Variants in PHIP observed in about 807,000 individuals in gnomAD.
PHIP encodes PHIP subunit of CUL4-Ring ligase complex, also known as PH-interacting protein.
Under a neutral mutation model 236.8 loss-of-function variants are expected in PHIP, and 54 were observed. That is an observed-to-expected ratio of 0.23 (90% CI 0.18 to 0.29). The LOEUF is 0.29. PHIP is among the 10% of genes least tolerant of loss of function. The pLI is 1.00. For synonymous variants in PHIP, 756 were observed against 718.9 expected, an observed-to-expected ratio of 1.05 and a Z score of -0.83; for missense variants, 1,370 against 2,190.8, an observed-to-expected ratio of 0.63 and a Z score of 7.48.
intron 39 of PHIP, among the ~76,000 whole-genome samples, chr6:78,942,612 G>A (rs569368941): frequency 9.2e-5 from 14 of 152,314 alleles, no homozygotes; most frequent in South Asian, 6.2e-4. Context: ...CTTTAGATTA[G>A]TGGTTGGGAA....
chr6:78,946,473 G>T, intron 37 of PHIP: 1 of 1,398,118 alleles, frequency 7.2e-7, no homozygotes, highest in African/African-American at 1.5e-5. Flanking sequence ...AAAGCATGAT[G>T]CCATCACTAT....
chr6:78,952,831 T>G lies in PHIP; in HGVS notation c.4053+1983A>C, dbSNP rs182778758. 1.3e-3 allele frequency among the ~76,000 whole-genome samples: 199 copies of G among 147,654 alleles called. 1 individual carries two copies. The highest frequency in any genetic ancestry group is 7.7e-3 in the South Asian group (37 of 4,798). On this transcript the variant is annotated intron_variant, in intron 35 of 39. Coordinates refer to ENST00000275034, the MANE Select transcript of PHIP (RefSeq NM_017934.7). ...TCATTTATTCCTTTAACCAAAACTA[T>G]CTATCAAAGTTTAACTCAACAGCAT...
In PHIP at chr6:79,042,887, C is replaced by G; in HGVS notation, c.556G>C (p.Val186Leu). The part of the protein sequence containing the change: ...HKRILGHLSS[V>L]YCVTFDRTGR... ...GTTCGATCAAAAGTTACACAGTACA[C>G]AGATGACAAGTGTCCAAGAATTCGT... The change falls in exon 7 of 40, where the codon GTG becomes CTG. Residue 186 changes from valine to leucine, a missense_variant. Coordinates refer to ENST00000275034, the MANE Select transcript of PHIP (RefSeq NM_017934.7). 6.2e-7 allele frequency: 1 copy of G among 1,612,314 alleles called. No individual in the cohort carries two copies. Among genetic ancestry groups the G allele is most frequent in the Non-Finnish European group, 8.5e-7 (1 of 1,178,916 alleles).
chr6:79,009,380 T>C (rs1770458555), intron 15 of PHIP, among the ~76,000 whole-genome samples: 1 of 152,126 alleles, frequency 6.6e-6, no homozygotes, highest in Non-Finnish European at 1.5e-5. Context: ...TATTTATCTT[T>C]CAAGGCATAG....
At chr6:79,031,428 G>C (rs1332207754) in intron 7 of PHIP, among the ~76,000 whole-genome samples, 1 of 152,108 alleles carries the variant, frequency 6.6e-6, no homozygotes, top group Admixed American at 6.5e-5. Context: ...TTTAAGTCAA[G>C]ACAATCTTGT....
intron 4 of PHIP, among the ~76,000 whole-genome samples, chr6:79,065,763 AC>A (rs1268972171): frequency 1.8e-5 from 2 of 110,896 alleles, no homozygotes; most frequent in African/African-American, 3.6e-5. Flanking sequence ...TCTTAACTAT[AC>A]CACACACACA....
At chr6:79,054,648 ATC>A (rs901618431) in intron 6 of PHIP, among the ~76,000 whole-genome samples, 1 of 151,250 alleles carries the variant, frequency 6.6e-6, no homozygotes, top group African/African-American at 2.4e-5. Flanking sequence ...AAATTATGTA[ATC>A]TCATATATTT....
intron 31 of PHIP, among the ~76,000 whole-genome samples, chr6:78,959,818 T>G (rs112254895): frequency 0.025 from 3,800 of 152,240 alleles, 157 homozygotes; most frequent in African/African-American, 0.086. Flanking sequence ...CTAACGATGG[T>G]GTTACATCCT....
rs1196937471 is a variant in PHIP, at chr6:79,015,226, T to G, written c.1390-10A>C. 6.3e-7 allele frequency: 1 copy of G among 1,598,946 alleles called. No homozygotes were observed. The highest frequency in any genetic ancestry group is 1.7e-5 in the Admixed American group (1 of 59,612). ...CCTCATCTTCATGACCCTGAAATAT[T>G]TTTGAAGTGTCAAAGAATCATAGAT... is the stretch of plus-strand genomic sequence containing the variant. On this transcript the variant is annotated splice_polypyrimidine_tract_variant and intron_variant, in intron 14 of 39. Coordinates refer to ENST00000275034, the MANE Select transcript of PHIP (RefSeq NM_017934.7).
At chr6:79,054,631 T>C (rs957540766) in intron 6 of PHIP, among the ~76,000 whole-genome samples, 5 of 151,226 alleles carry the variant, frequency 3.3e-5, no homozygotes, top group South Asian at 4.1e-4. Context: ...TGTTAACTTA[T>C]ATATTAAAAT....
At chr6:79,022,950 A>G (rs1771194475) in intron 9 of PHIP, among the ~76,000 whole-genome samples, 2 of 152,244 alleles carry the variant, frequency 1.3e-5, no homozygotes, top group South Asian at 4.1e-4. Flanking sequence ...ATTATTAATT[A>G]AATCCTATGT....
intron 10 of PHIP, among the ~76,000 whole-genome samples, chr6:79,018,007 A>T (rs974196478): frequency 1.3e-5 from 2 of 151,894 alleles, no homozygotes; most frequent in African/African-American, 4.8e-5. Context: ...TTGCAATTAA[A>T]TGAGGCTGCT....
rs541609883 is a variant in PHIP at position 79,027,265 on chromosome 6, T to G, written c.601-1101A>C. 6.6e-5 allele frequency among the ~76,000 whole-genome samples: 10 copies of G among 152,278 alleles called. No individual in the cohort carries two copies. The East Asian group carries it at 1.9e-3, about 29-fold the overall frequency. On this transcript the variant is annotated intron_variant, in intron 7 of 39. Transcript: ENST00000275034. ...TGTATCTTAAATCAGACTCTGCCAA[T>G]GATACCTAAAACACCCCCCAATTAA...
chr6:79,058,795 C>T (rs113335319), intron 6 of PHIP, among the ~76,000 whole-genome samples: 14 of 152,194 alleles, frequency 9.2e-5, no homozygotes, highest in African/African-American at 3.4e-4. Flanking sequence ...CTACCACAGG[C>T]CTGACTGACA....
Position 78,940,306 on chromosome 6 carries a change from A to G in PHIP, c.*387T>C, listed in dbSNP as rs978309935. 2 of 151,906 alleles carry G rather than the reference A, an allele frequency of 1.3e-5. No individual in the cohort carries two copies. Among genetic ancestry groups the G allele is most frequent in the Non-Finnish European group, 2.9e-5 (2 of 67,918 alleles). 9.4% of individuals were successfully genotyped at this position (151,906 alleles called of 1,614,324 possible). A position where few individuals can be genotyped will look rare whatever the true frequency, so the allele number is the denominator to read the frequency against. ...TTGGTCAAAAATAATTCATTTTAAC[A>G]TGAAATGCTCTATCACTAGGAATAT... On this transcript the variant is annotated 3_prime_UTR_variant, in exon 40 of 40. Coordinates refer to ENST00000275034, the MANE Select transcript of PHIP (RefSeq NM_017934.7).
chr6:79,026,264 T>C, intron 7 of PHIP, 100 bp from the exon 8 acceptor site: 1 of 863,594 alleles, frequency 1.2e-6, no homozygotes, highest in South Asian at 1.6e-5. Context: ...TCTGAACAAG[T>C]ATATTTTTAA....
chr6:79,027,017 TAC>T (rs1382381419), intron 7 of PHIP, among the ~76,000 whole-genome samples: 7 of 152,094 alleles, frequency 4.6e-5, no homozygotes, highest in Non-Finnish European at 1.5e-5. Context: ...TTTTACAGGA[TAC>T]AGTTTTACTA....
At chr6:78,997,693 A>T (rs948294253) in intron 18 of PHIP, 96 bp from the exon 19 acceptor site, 5 of 984,780 alleles carry the variant, frequency 5.1e-6, no homozygotes, top group Non-Finnish European at 7.4e-6. Flanking sequence ...TTCCATAAGA[A>T]ACTTCATATT....
intron 39 of PHIP, among the ~76,000 whole-genome samples, chr6:78,944,826 C>T (rs992111685): frequency 2.6e-5 from 4 of 152,074 alleles, no homozygotes; most frequent in Non-Finnish European, 4.4e-5. Context: ...TATTATTTAC[C>T]TTCTTCATCT....
Sources: allele counts gnomAD v4.1 joint callset (sites outside exome capture counted in the v4.1 genomes callset), GRCh38; gene constraint gnomAD v4.1.1; transcripts MANE v1.5; gene names NCBI Gene and HGNC (gene_info 2026-07-23, HGNC 2026-07-21).